Variants in MAML3 observed in about 807,000 individuals in gnomAD.
The protein encoded by MAML3 is mastermind like transcriptional coactivator 3, also known as mastermind-like protein 3.
In MAML3, 27 loss-of-function variants were observed where a neutral mutation model predicts 101.9. The ratio of observed to expected loss-of-function variants is 0.27; its 90% CI spans 0.20 to 0.37. MAML3 has a LOEUF of 0.37. Ranked by LOEUF, MAML3 falls within the 10% of genes least tolerant of loss-of-function variation. The probability of loss-of-function intolerance (pLI) is 1.00; values close to 1 mark genes in which losing one functional copy is unlikely to be tolerated. For synonymous variants in MAML3, 501 were observed against 555.9 expected (o/e 0.90, Z 1.39); for missense variants, 1,316 against 1,444.9 (o/e 0.91, Z 1.45).
chr4:139,898,526 ACCCACTATAGCAG>A (rs1286668964), intron 1 of MAML3, among the ~76,000 whole-genome samples: 1 of 152,230 alleles, frequency 6.6e-6, no homozygotes, highest in African/African-American at 2.4e-5. Flanking sequence ...AGTGGTTCTC[ACCCACTATAGCAG>A]CCTCTTCAAC....
chr4:139,749,886 C>CA (rs1560782087), intron 2 of MAML3, among the ~76,000 whole-genome samples: 3 of 63,012 alleles, frequency 4.8e-5, no homozygotes, highest in African/African-American at 2.2e-4. Flanking sequence ...TGAATAAGAA[C>CA]CCCCCCCCAC....
chr4:139,870,860 C>G (rs1415665168), intron 2 of MAML3, among the ~76,000 whole-genome samples: 3 of 152,066 alleles, frequency 2.0e-5, no homozygotes, highest in Non-Finnish European at 4.4e-5. Context: ...GAAACTTATA[C>G]AAGCAATATA....
At chr4:139,914,157 A>G (rs562655213) in intron 1 of MAML3, among the ~76,000 whole-genome samples, 1 of 152,328 alleles carries the variant, frequency 6.6e-6, no homozygotes, top group South Asian at 2.1e-4. Context: ...TTCCAAAGCA[A>G]TTTCACAATC....
At chr4:139,746,940 T>C (rs1389405110) in intron 2 of MAML3, among the ~76,000 whole-genome samples, 1 of 152,076 alleles carries the variant, frequency 6.6e-6, no homozygotes, top group African/African-American at 2.4e-5. Flanking sequence ...CCAGCTTTTG[T>C]CGGGGGTTCA....
At chr4:139,816,809 C>T (rs1730899810) in intron 2 of MAML3, among the ~76,000 whole-genome samples, 1 of 152,094 alleles carries the variant, frequency 6.6e-6, no homozygotes, top group South Asian at 2.1e-4. Context: ...AGATTCCACG[C>T]TCTCAACATT....
intron 2 of MAML3, among the ~76,000 whole-genome samples, chr4:139,799,358 T>C (rs751361556): frequency 4.6e-5 from 7 of 152,368 alleles, no homozygotes; most frequent in African/African-American, 1.7e-4. Context: ...ATCAACCTAA[T>C]GCTATGAATT....
At chr4:139,799,143 A>G (rs146710036) in intron 2 of MAML3, among the ~76,000 whole-genome samples, 74 of 152,292 alleles carry the variant, frequency 4.9e-4, no homozygotes, top group Admixed American at 1.2e-3. Flanking sequence ...CTGGTCCTCT[A>G]TGTTCAAAGA....
intron 1 of MAML3, among the ~76,000 whole-genome samples, chr4:139,988,705 A>G (rs1400498428): frequency 1.3e-5 from 2 of 152,218 alleles, no homozygotes; most frequent in Admixed American, 6.5e-5. Context: ...GGTGGTGGTT[A>G]TAAGGGTGTA....
At chr4:139,725,882 A>G (rs1728453452) in intron 3 of MAML3, 47 bp from the exon 4 acceptor site, 2 of 1,484,910 alleles carry the variant, frequency 1.3e-6, no homozygotes, top group South Asian at 1.1e-5. Context: ...GATAGGGAGC[A>G]AGCACACAAT....
At chr4:140,083,695 C>T (rs1331252217) in intron 1 of MAML3, among the ~76,000 whole-genome samples, 1 of 152,090 alleles carries the variant, frequency 6.6e-6, no homozygotes, top group Non-Finnish European at 1.5e-5. Flanking sequence ...GAAGGTTCCC[C>T]TAAGTTTCCC....
At chr4:139,851,197 AG>A (rs1731540794) in intron 2 of MAML3, among the ~76,000 whole-genome samples, 1 of 152,226 alleles carries the variant, frequency 6.6e-6, no homozygotes, top group Non-Finnish European at 1.5e-5. Flanking sequence ...TAGGAACTGA[AG>A]GCCAGCCTTT....
At chr4:139,993,900 G>C (rs1231644846) in intron 1 of MAML3, among the ~76,000 whole-genome samples, 54 of 152,150 alleles carry the variant, frequency 3.5e-4, no homozygotes, top group Admixed American at 3.5e-3. Flanking sequence ...CACTTTTGGT[G>C]TTGTATCTAA....
chr4:140,059,768 T>C (rs1213970072), intron 1 of MAML3, among the ~76,000 whole-genome samples: 1 of 152,160 alleles, frequency 6.6e-6, no homozygotes, highest in Non-Finnish European at 1.5e-5. Flanking sequence ...AGATAAGATA[T>C]AGGAAAAAAT....
intron 1 of MAML3, among the ~76,000 whole-genome samples, chr4:139,925,847 G>T (rs761564222): frequency 9.9e-5 from 15 of 152,154 alleles, no homozygotes; most frequent in Non-Finnish European, 1.9e-4. Flanking sequence ...AGAATGCATA[G>T]AAGGCAAAGG....
chr4:140,134,423 T>C (rs1728848706), intron 1 of MAML3: 1 of 456,346 alleles, frequency 2.2e-6, no homozygotes, highest in Non-Finnish European at 4.4e-6. Flanking sequence ...TCCCCAACCC[T>C]GAATGCTACA....
intron 1 of MAML3, among the ~76,000 whole-genome samples, chr4:139,965,049 T>C (rs765179165): frequency 1.8e-4 from 27 of 152,130 alleles, no homozygotes; most frequent in Non-Finnish European, 3.5e-4. Flanking sequence ...ACATAAAACA[T>C]TGTTGTTTTA....
chr4:139,982,278 T>G (rs1188316295), intron 1 of MAML3, among the ~76,000 whole-genome samples: 1 of 152,238 alleles, frequency 6.6e-6, no homozygotes, highest in Non-Finnish European at 1.5e-5. Context: ...CTTAGGCACT[T>G]GTTCAGTTGG....
chr4:139,766,066 T>C (rs1041512006), intron 2 of MAML3, among the ~76,000 whole-genome samples: 6 of 152,102 alleles, frequency 3.9e-5, no homozygotes, highest in African/African-American at 1.4e-4. Flanking sequence ...AGGTGTTGTG[T>C]ATTTCTTCTT....
intron 1 of MAML3, among the ~76,000 whole-genome samples, chr4:140,008,006 C>T (rs1726485674): frequency 6.6e-6 from 1 of 152,188 alleles, no homozygotes; most frequent in African/African-American, 2.4e-5. Flanking sequence ...AGATTTCAAA[C>T]GTCTAGGATT....
Sources: allele counts gnomAD v4.1 joint callset (sites outside exome capture counted in the v4.1 genomes callset), GRCh38; gene constraint gnomAD v4.1.1; transcripts MANE v1.5; gene names NCBI Gene and HGNC (gene_info 2026-07-23, HGNC 2026-07-21).